The following CUBN variants were observed in gnomAD, a reference collection of about 807,000 sequenced individuals.
CUBN encodes cubilin.
A neutral mutation model predicts 405.3 loss-of-function variants in CUBN; 282 were observed. The observed-to-expected ratio is 0.70, with a 90% CI of 0.63 to 0.77. The LOEUF (loss-of-function observed/expected upper bound fraction) is 0.77, where lower values mean the gene tolerates loss of function less well. CUBN is among the 30% of genes least tolerant of loss of function. CUBN has a pLI of 0.00. For missense variants in CUBN, 4,514 were observed against 4,475.2 expected, an observed-to-expected ratio of 1.01 and a Z score of -0.25; for synonymous variants, 1,684 against 1,617.0, an observed-to-expected ratio of 1.04 and a Z score of -0.99.
intron 58 of CUBN, among the ~76,000 whole-genome samples, chr10:16,871,230 G>C (rs1409843927): frequency 1.3e-5 from 2 of 151,322 alleles, no homozygotes; most frequent in African/African-American, 2.4e-5. Context: ...TAGTAGAGAT[G>C]AGGTTTCTGC....
At chr10:17,065,769 A>G in intron 21 of CUBN, 131 bp from the exon 22 acceptor site, 1 of 1,078,628 alleles carries the variant, frequency 9.3e-7, no homozygotes. Context: ...TTAAAACACA[A>G]ATATATTTCA....
chr10:17,105,089 C>A (rs1836593610), intron 11 of CUBN, among the ~76,000 whole-genome samples: 1 of 151,988 alleles, frequency 6.6e-6, no homozygotes, highest in East Asian at 1.9e-4. Flanking sequence ...GCATGAGCCA[C>A]CACGCCTGGC....
intron 28 of CUBN, among the ~76,000 whole-genome samples, chr10:17,008,263 G>GTGTGTA (rs1834083639): frequency 6.7e-6 from 1 of 149,654 alleles, no homozygotes; most frequent in African/African-American, 2.5e-5. Flanking sequence ...GTGTGTGTGT[G>GTGTGTA]TGTGGTGTGT....
intron 21 of CUBN, among the ~76,000 whole-genome samples, chr10:17,067,230 G>A (rs1366352326): frequency 6.6e-6 from 1 of 152,034 alleles, no homozygotes; most frequent in Admixed American, 6.6e-5. Context: ...AGTAGATAAA[G>A]TCATTAAAAT....
chr10:16,914,999 T>G (rs1479295269), intron 47 of CUBN, 33 bp downstream of exon 47: 1 of 1,593,602 alleles, frequency 6.3e-7, no homozygotes. Flanking sequence ...ATGCAGGTGC[T>G]CAATGTTGTG....
intron 27 of CUBN, among the ~76,000 whole-genome samples, chr10:17,036,662 T>C (rs1013407190): frequency 2.0e-5 from 3 of 152,070 alleles, no homozygotes; most frequent in Non-Finnish European, 1.5e-5. Context: ...TTCTAGAATC[T>C]CGTAGATCAG....
intron 45 of CUBN, 115 bp downstream of exon 45, chr10:16,918,506 AG>A (rs1166182464): frequency 3.9e-5 from 30 of 767,018 alleles, no homozygotes; most frequent in Admixed American, 3.0e-4. Flanking sequence ...TACTAGGCAT[AG>A]TACCTGGCTG....
chr10:17,048,316 A>T (rs564977111), intron 22 of CUBN, among the ~76,000 whole-genome samples: 11 of 152,382 alleles, frequency 7.2e-5, no homozygotes, highest in Middle Eastern at 3.4e-3. Flanking sequence ...GTACCTGGAC[A>T]ATTTTGAAGT....
In CUBN at chr10:16,990,409, G is replaced by A. The variant is rs748270956; in HGVS notation, c.4275C>T (p.Pro1425=). ...KECIWYIRTD[P]GSSIQLTIHD... Reference sequence around the variant, plus strand: ...GGATGGTGAGCTGAATGCTACTCCCGGGGTCCGTCCTAATGTACCAGATAC... The same window carrying A: ...GGATGGTGAGCTGAATGCTACTCCCAGGGTCCGTCCTAATGTACCAGATAC... The change falls in exon 29 of 67, where the codon CCC becomes CCT. Residue 1425 remains proline (P), a synonymous_variant. Transcript: ENST00000377833. 1.8e-5 allele frequency: 29 copies of A among 1,614,068 alleles called. No individual in the cohort carries two copies. The highest frequency in any genetic ancestry group is 1.3e-4 in the East Asian group (6 of 44,876).
chr10:16,956,184 T>C (rs770298200), intron 31 of CUBN, among the ~76,000 whole-genome samples: 4 of 152,182 alleles, frequency 2.6e-5, no homozygotes, highest in Non-Finnish European at 4.4e-5. Context: ...GTTTGGCTTA[T>C]ACAAGCCCAT....
At chr10:17,013,107 T>C (rs921088425) in intron 28 of CUBN, among the ~76,000 whole-genome samples, 4 of 152,214 alleles carry the variant, frequency 2.6e-5, no homozygotes, top group Admixed American at 2.6e-4. Flanking sequence ...TTATAGGTTT[T>C]AAATTTACCC....
chr10:17,006,524 G>T (rs1253027337), intron 28 of CUBN, among the ~76,000 whole-genome samples: 1 of 152,160 alleles, frequency 6.6e-6, no homozygotes, highest in East Asian at 1.9e-4. Flanking sequence ...TTTTGAATGA[G>T]AAGGAATTCC....
chr10:16,874,842 G>A (rs1487055892), intron 57 of CUBN, among the ~76,000 whole-genome samples: 1 of 152,130 alleles, frequency 6.6e-6, no homozygotes, highest in African/African-American at 2.4e-5. Flanking sequence ...CAGGTTGAGA[G>A]AGGGATGACA....
Position 16,888,522 on chromosome 10 carries a change from G to A in CUBN, c.8800C>T (p.Pro2934Ser), listed in dbSNP as rs905165601. 9.9e-6 allele frequency: 16 copies of A among 1,613,564 alleles called. No individual in the cohort carries two copies. The highest frequency in any genetic ancestry group is 1.7e-5 in the Admixed American group (1 of 60,004). Residue 2934 changes from proline (P) to serine (S), a missense_variant, in exon 56 of 67, where the codon CCA (proline) becomes TCA (serine). Pro to Ser is a moderately conservative substitution (Grantham distance 74). Around this residue, in one of 5 missense-constraint regions of CUBN, gnomAD observed 1,186 missense variants for 1,186.9 expected, o/e 1.00. Transcript: ENST00000377833. ...FTGPSGYIIS[P>S]NYPKQYDNNM... is the part of the protein sequence containing the mutation. ...TTGTCATATTGTTTTGGGTAATTTG[G>A]AGAAATGATGTAACCTGAAGGGCCA...
At chr10:17,052,292 T>C (rs758294473) in intron 22 of CUBN, among the ~76,000 whole-genome samples, 5 of 152,024 alleles carry the variant, frequency 3.3e-5, no homozygotes, top group African/African-American at 4.8e-5. Flanking sequence ...ATAATATCCA[T>C]TGGGCCAAAG....
At chr10:17,065,416 T>C in intron 22 of CUBN, 92 bp downstream of exon 22, 1 of 1,511,436 alleles carries the variant, frequency 6.6e-7, no homozygotes, top group Non-Finnish European at 9.2e-7. Flanking sequence ...GTGCCACAGG[T>C]TTGCGGATGA....
At chr10:16,999,830 C>A (rs1833830746) in intron 28 of CUBN, among the ~76,000 whole-genome samples, 1 of 152,188 alleles carries the variant, frequency 6.6e-6, no homozygotes. Flanking sequence ...CTCAAAGAGC[C>A]TCCAGGGACC....
At position 16,901,384 on chromosome 10, in the gene CUBN, G is replaced by A. The variant is rs755112574; in HGVS notation, c.8138C>T (p.Thr2713Ile). 1 of 1,614,038 alleles carries A rather than the reference G, an allele frequency of 6.2e-7. No individual in the cohort carries two copies. Among genetic ancestry groups the A allele is most frequent in the Admixed American group, 1.7e-5 (1 of 60,014 alleles). Residue 2713 changes from threonine (T) to isoleucine (I), a missense_variant, in exon 52 of 67, where the codon ACC (threonine) becomes ATC (isoleucine). This residue lies in a region of CUBN where 1,186 missense variants were observed against 1,186.9 expected (regional missense o/e 1.00). Coordinates refer to ENST00000377833, the MANE Select transcript of CUBN (RefSeq NM_001081.4). ...GGCCTCCAACAGCGAAGAGCAGTGG[G>A]TCAGGCTGTCATAAGCATTTGGATA... ...PNYPNAYDSL[T>I]HCSSLLEAPQ...
chr10:16,947,018 A>G (rs748730064), intron 36 of CUBN, among the ~76,000 whole-genome samples: 1 of 152,234 alleles, frequency 6.6e-6, no homozygotes, highest in Non-Finnish European at 1.5e-5. Flanking sequence ...CAAGGACTCA[A>G]GAATGTACTT....
Sources: gnomAD v4.1 joint callset for allele counts (sites outside exome capture counted in the v4.1 genomes callset) on GRCh38, gnomAD v4.1.1 for gene constraint, gnomAD v4.1.1 regional missense constraint, MANE v1.5 for transcripts, NCBI Gene and HGNC (gene_info 2026-07-23, HGNC 2026-07-21) for gene names.